The following ADAM10 variants were observed in gnomAD, a reference collection of about 807,000 sequenced individuals.
ADAM10 encodes the protein disintegrin and metalloproteinase domain-containing protein 10.
ADAM10 carries 17 observed loss-of-function variants against 90.1 expected under a neutral mutation model. The ratio of observed to expected loss-of-function variants is 0.19; its 90% confidence interval spans 0.13 to 0.28. The LOEUF (loss-of-function observed/expected upper bound fraction) is 0.28. Ranked by LOEUF, ADAM10 falls within the 10% of genes least tolerant of loss-of-function variation. ADAM10 has a pLI of 1.00. For missense variants in ADAM10, 610 were observed against 914.3 expected (o/e 0.67, Z 4.29); for synonymous variants, 310 against 298.6 (o/e 1.04, Z -0.40).
intron 1 of ADAM10, among the ~76,000 whole-genome samples, chr15:58,730,704 T>G (rs1899206653): frequency 6.6e-6 from 1 of 152,188 alleles, no homozygotes; most frequent in Admixed American, 6.5e-5. Context: ...TTTCTGGATG[T>G]GTCTCTGAGG....
In ADAM10 at chr15:58,646,345, A is replaced by C. The variant is rs115906775; in HGVS notation, c.586-141T>G. On this transcript the variant is annotated intron_variant, in intron 5 of 15. Transcript: ENST00000260408. ...ATTTCTGCTGCCATTAAAAGTTCAT[A>C]AAATCACTTTGTCTCATAATCTTCT... 2.6e-3 allele frequency: 2,299 copies of C among 869,196 alleles called. 48 individuals are homozygous for C. In the African/African-American group the frequency reaches 0.034, roughly 13 times the overall value. The allele number at this position is 869,196 out of a possible 1,614,324, so 53.8% of individuals were successfully genotyped here.
At position 58,646,152 on chromosome 15, in the gene ADAM10, C is replaced by T; in HGVS notation, c.638G>A (p.Arg213His). 1.9e-6 allele frequency: 3 copies of T among 1,613,410 alleles called. No homozygotes were observed. Among genetic ancestry groups the T allele is most frequent in the Non-Finnish European group, 2.5e-6 (3 of 1,179,740 alleles). The change falls in exon 6 of 16, where the codon CGT (arginine) becomes CAT (histidine). Residue 213 changes from arginine to histidine, a missense_variant. This residue lies in a region of ADAM10 where 310 missense variants were observed against 362.4 expected (regional missense o/e 0.86). Transcript: ENST00000260408. ...ANGPELLRKK[R>H]TTSAEKNTCQ... is the part of the protein sequence containing the mutation. ...AGTATTTTTTTCAGCTGAAGTTGTA[C>T]GTTTTTTCCTCAGAAGTTCTGGACC...
chr15:58,659,950 G>A (rs146213326), intron 5 of ADAM10, among the ~76,000 whole-genome samples: 3 of 152,224 alleles, frequency 2.0e-5, no homozygotes, highest in Middle Eastern at 3.4e-3. Context: ...GGAAGGTCTC[G>A]ATCTCCTGAT....
chr15:58,748,426 T>A (rs1476973999), intron 1 of ADAM10: 1 of 152,384 alleles, frequency 6.6e-6, no homozygotes, highest in African/African-American at 2.4e-5. Flanking sequence ...CTGGGGCAAG[T>A]CAAAAAGCTT....
At chr15:58,742,466 AT>A (rs1299353453) in intron 1 of ADAM10, among the ~76,000 whole-genome samples, 1 of 152,174 alleles carries the variant, frequency 6.6e-6, no homozygotes. Context: ...GACTTACGAT[AT>A]TTTCAACTTA....
rs1174446020 is a variant in ADAM10 at position 58,712,012 on chromosome 15, G to A, written c.206+5565C>T. 2.6e-5 allele frequency among the ~76,000 whole-genome samples: 4 copies of A among 152,058 alleles called. No homozygotes were observed. In the South Asian group the frequency reaches 6.2e-4, roughly 24 times the overall value. On this transcript the variant is annotated intron_variant, in intron 2 of 15. Transcript: ENST00000260408. ...GTTAAAATATATATATACATACAAC[G>A]TAAGAATCATACTAAAAGCTATAAA...
At chr15:58,730,607 C>G (rs1230682121) in intron 1 of ADAM10, among the ~76,000 whole-genome samples, 1 of 152,160 alleles carries the variant, frequency 6.6e-6, no homozygotes, top group Non-Finnish European at 1.5e-5. Flanking sequence ...GGAATACTAA[C>G]CTGAAATCCA....
intron 14 of ADAM10, among the ~76,000 whole-genome samples, chr15:58,607,517 A>G (rs553850739): frequency 1.3e-5 from 2 of 152,364 alleles, no homozygotes; most frequent in Admixed American, 1.3e-4. Flanking sequence ...GGCCCAGAAC[A>G]TCTAATGGAA....
At chr15:58,738,809 T>A (rs7173286) in intron 1 of ADAM10, among the ~76,000 whole-genome samples, 25,699 of 152,180 alleles carry the variant, frequency 0.17, 2,423 homozygotes, top group East Asian at 0.44. Context: ...TATACAATCT[T>A]TTTTTATTCT....
intron 9 of ADAM10, among the ~76,000 whole-genome samples, chr15:58,628,424 A>AT (rs1436218359): frequency 2.6e-5 from 4 of 152,208 alleles, no homozygotes; most frequent in Non-Finnish European, 4.4e-5. Context: ...ACAATGATAT[A>AT]TTTTTAAATG....
chr15:58,725,974 G>A (rs1269230820), intron 1 of ADAM10, among the ~76,000 whole-genome samples: 2 of 152,142 alleles, frequency 1.3e-5, no homozygotes, highest in African/African-American at 2.4e-5. Context: ...CTACACTGAT[G>A]CAAATAATAA....
intron 2 of ADAM10, among the ~76,000 whole-genome samples, chr15:58,714,962 T>G (rs1325929350): frequency 6.6e-6 from 1 of 152,154 alleles, no homozygotes; most frequent in African/African-American, 2.4e-5. Flanking sequence ...CATTTTTAAG[T>G]AAAGTATTTT....
Position 58,669,535 on chromosome 15 carries a change from T to C in ADAM10, c.485-4338A>G, listed in dbSNP as rs956865388. Among the ~76,000 whole-genome samples, 17 of 152,302 alleles carry C rather than the reference T, an allele frequency of 1.1e-4. No individual in the cohort carries two copies. The East Asian group carries it at 1.5e-3, about 14-fold the overall frequency. On this transcript the variant is annotated intron_variant, in intron 4 of 15. Coordinates refer to ENST00000260408, the MANE Select transcript of ADAM10 (RefSeq NM_001110.4). ...TATATGCTACTAGCTTAAATTAAAA[T>C]TCTTTGGGTATTTTGCTTGTCTTGT...
Position 58,619,195 on chromosome 15 carries a change from T to C in ADAM10, c.1511+2276A>G, listed in dbSNP as rs549449913. Among the ~76,000 whole-genome samples the C allele has an allele frequency of 2.0e-5, 3 of 151,956 alleles. No individual in the cohort carries two copies. In the East Asian group the frequency reaches 5.8e-4, roughly 29 times the overall value. ...TCATGTGCAATAACATGAACGGAAA[T>C]AGAAGTCATCATGTTAAATAAAATA... On this transcript the variant is annotated intron_variant, in intron 11 of 15. Transcript: ENST00000260408.
chr15:58,685,160 TAAAAA>T (rs140613738), intron 2 of ADAM10, among the ~76,000 whole-genome samples: 2 of 119,118 alleles, frequency 1.7e-5, no homozygotes, highest in Admixed American at 8.6e-5. Context: ...TTATATTAAG[TAAAAA>T]AAAAAAAAAA....
intron 4 of ADAM10, among the ~76,000 whole-genome samples, chr15:58,676,990 C>T (rs1566990801): frequency 6.6e-6 from 1 of 152,106 alleles, no homozygotes; most frequent in Non-Finnish European, 1.5e-5. Flanking sequence ...AGAGAATTTG[C>T]GAACCACGGT....
At chr15:58,744,410 A>T (rs1177384519) in intron 1 of ADAM10, among the ~76,000 whole-genome samples, 2 of 152,254 alleles carry the variant, frequency 1.3e-5, no homozygotes, top group African/African-American at 4.8e-5. Flanking sequence ...AACCAATTAG[A>T]AGGTAACATC....
intron 1 of ADAM10, among the ~76,000 whole-genome samples, chr15:58,731,780 T>C (rs1329195336): frequency 1.3e-5 from 2 of 151,898 alleles, no homozygotes; most frequent in African/African-American, 2.4e-5. Context: ...TCTTTAAGAG[T>C]GTCACAGGTG....
At chr15:58,660,417 G>T (rs1345372479) in intron 5 of ADAM10, among the ~76,000 whole-genome samples, 1 of 151,148 alleles carries the variant, frequency 6.6e-6, no homozygotes, top group Non-Finnish European at 1.5e-5. Context: ...CGCTCATTTG[G>T]TCTTTTTTTT....
Sources: allele counts gnomAD v4.1 joint callset (sites outside exome capture counted in the v4.1 genomes callset), GRCh38; gene constraint gnomAD v4.1.1; regional missense constraint gnomAD v4.1.1; transcripts MANE v1.5; gene names NCBI Gene and HGNC (gene_info 2026-07-23, HGNC 2026-07-21).